TBC1D22A: variants seen among roughly 807,000 people sequenced by gnomAD.
TBC1D22A encodes the protein TBC1 domain family member 22A, also known as putative GTPase activator.
In TBC1D22A, 38 loss-of-function variants were observed where a neutral mutation model predicts 60.2. The ratio of observed to expected loss-of-function variants is 0.63; its 90% CI spans 0.49 to 0.83. The LOEUF (loss-of-function observed/expected upper bound fraction) is 0.83. TBC1D22A is among the 40% of genes least tolerant of loss of function. The pLI is 0.00. For missense variants in TBC1D22A, 628 were observed against 701.0 expected (o/e 0.90, Z 1.18); for synonymous variants, 302 against 281.7 (o/e 1.07, Z -0.72).
rs1569199945 is a variant in TBC1D22A, at chr22:46,904,157, A to ACCTG, written c.901-7914_901-7913insGCCT. Among the ~76,000 whole-genome samples, 40 of 145,208 alleles carry ACCTG rather than the reference A, an allele frequency of 2.8e-4. 1 individual carries two copies. Among genetic ancestry groups the ACCTG allele is most frequent in the African/African-American group, 1.0e-3 (40 of 38,588 alleles). Reference sequence around the variant, plus strand: ...TATCTATCTATCTACCTACCTACCTACCTACCTACCTACCTACCAGTCTGA... The same window carrying ACCTG: ...TATCTATCTATCTACCTACCTACCTACCTGCCTACCTACCTACCTACCAGTCTGA... On this transcript the variant is annotated intron_variant, in intron 7 of 12. Coordinates refer to ENST00000337137, the MANE Select transcript of TBC1D22A (RefSeq NM_014346.5).
At chr22:47,154,813 T>G (rs1193930979) in intron 12 of TBC1D22A, among the ~76,000 whole-genome samples, 1 of 152,210 alleles carries the variant, frequency 6.6e-6, no homozygotes, top group East Asian at 1.9e-4. Flanking sequence ...TGGTGATTTC[T>G]GCTTTAGGAG....
At chr22:47,133,919 T>G (rs2066769936) in intron 12 of TBC1D22A, among the ~76,000 whole-genome samples, 1 of 151,958 alleles carries the variant, frequency 6.6e-6, no homozygotes, top group Non-Finnish European at 1.5e-5. Context: ...CCTTCCAGAG[T>G]AGAAATTCTC....
chr22:47,003,757 TAC>T (rs1445266693), intron 10 of TBC1D22A, among the ~76,000 whole-genome samples: 1 of 79,808 alleles, frequency 1.3e-5, no homozygotes, highest in African/African-American at 4.8e-5. Flanking sequence ...ACACACACCG[TAC>T]ACACACATGC....
chr22:47,159,329 A>G (rs111213413), intron 12 of TBC1D22A, among the ~76,000 whole-genome samples: 2 of 73,530 alleles, frequency 2.7e-5, no homozygotes, highest in Admixed American at 1.3e-4. Flanking sequence ...ACACACATGT[A>G]TACACACACA....
rs2061697897 is a variant in TBC1D22A, at chr22:47,009,674, C to T, written c.1201+11965C>T. Among the ~76,000 whole-genome samples, 1 of 152,002 alleles carries T rather than the reference C, an allele frequency of 6.6e-6. No homozygotes were observed. The highest frequency in any genetic ancestry group is 2.4e-5 in the African/African-American group (1 of 41,400). ...CCATCATCACCATCATCATCACTAT[C>T]ACCAGCATCATTTCATCACCATCAC... On this transcript the variant is annotated intron_variant, in intron 10 of 12. Transcript: ENST00000337137. This position sits in a 1 kb window ranked among gnomAD's most constrained non-coding sequence, Gnocchi z 5.8.
intron 11 of TBC1D22A, among the ~76,000 whole-genome samples, chr22:47,103,032 T>C (rs1390234552): frequency 6.6e-6 from 1 of 151,196 alleles, no homozygotes; most frequent in African/African-American, 2.4e-5. Context: ...CACACATTTC[T>C]TCCCCCCTCT....
At chr22:46,866,555 G>A (rs2067065921) in intron 4 of TBC1D22A, among the ~76,000 whole-genome samples, 1 of 152,260 alleles carries the variant, frequency 6.6e-6, no homozygotes, top group Admixed American at 6.5e-5. Context: ...TCAACAGGCT[G>A]GTTGCAGAAA....
intron 11 of TBC1D22A, among the ~76,000 whole-genome samples, chr22:47,108,896 C>T (rs760544121): frequency 1.3e-5 from 2 of 152,134 alleles, no homozygotes; most frequent in Non-Finnish European, 2.9e-5. Context: ...GGGGTTTCAC[C>T]GTGTTAGCCA....
intron 5 of TBC1D22A, among the ~76,000 whole-genome samples, chr22:46,889,310 T>C (rs2068274490): frequency 6.6e-6 from 1 of 152,166 alleles, no homozygotes; most frequent in South Asian, 2.1e-4. Context: ...TTAATCATTA[T>C]GGAAACGAAA....
intron 11 of TBC1D22A, among the ~76,000 whole-genome samples, chr22:47,096,937 A>G (rs79285278): frequency 0.027 from 4,037 of 152,334 alleles, 56 homozygotes; most frequent in Middle Eastern, 0.095. Flanking sequence ...AACAGAGTCC[A>G]GTTTCATTCT....
intron 4 of TBC1D22A, among the ~76,000 whole-genome samples, chr22:46,813,858 G>A (rs1376438429): frequency 1.3e-5 from 2 of 152,232 alleles, no homozygotes. Flanking sequence ...TGAAGGCAGG[G>A]GCACCTGACG....
intron 12 of TBC1D22A, among the ~76,000 whole-genome samples, chr22:47,153,584 G>A (rs931612449): frequency 6.6e-6 from 1 of 152,078 alleles, no homozygotes; most frequent in African/African-American, 2.4e-5. Context: ...ACGGGCAAGG[G>A]AAAAGGGAGG....
intron 8 of TBC1D22A, among the ~76,000 whole-genome samples, chr22:46,953,683 A>G (rs1341423839): frequency 1.3e-5 from 2 of 151,894 alleles, no homozygotes; most frequent in South Asian, 2.1e-4. Context: ...CTGTCATTCT[A>G]TTGTCTTTTT....
chr22:46,895,237 G>A (rs555069124), intron 7 of TBC1D22A, among the ~76,000 whole-genome samples: 2 of 151,860 alleles, frequency 1.3e-5, no homozygotes, highest in South Asian at 2.1e-4. Flanking sequence ...CCTGGATGAC[G>A]CTTTCTTGCC....
chr22:46,878,609 C>T, intron 4 of TBC1D22A, 44 bp from the exon 5 acceptor site: 1 of 1,591,882 alleles, frequency 6.3e-7, no homozygotes, highest in Non-Finnish European at 8.6e-7. Flanking sequence ...GTTTGCTAAC[C>T]TTTTGCAAAT....
chr22:46,956,419 A>G (rs1450975788), intron 8 of TBC1D22A, among the ~76,000 whole-genome samples: 1 of 152,194 alleles, frequency 6.6e-6, no homozygotes, highest in Non-Finnish European at 1.5e-5. Context: ...CCCTGTCTCC[A>G]CTAATGGATG....
intron 4 of TBC1D22A, among the ~76,000 whole-genome samples, chr22:46,838,033 C>T (rs1441727263): frequency 6.6e-6 from 1 of 152,154 alleles, no homozygotes; most frequent in East Asian, 1.9e-4. Flanking sequence ...GCACTCTAGC[C>T]TGGGAGATAG....
intron 8 of TBC1D22A, chr22:46,915,588 G>A (rs45555031): frequency 0.02 from 9,063 of 456,662 alleles, 166 homozygotes; most frequent in Non-Finnish European, 0.025. Flanking sequence ...TTGTTACTTG[G>A]ATATTCCTCT....
At chr22:47,137,880 A>T (rs1018906527) in intron 12 of TBC1D22A, among the ~76,000 whole-genome samples, 1 of 151,712 alleles carries the variant, frequency 6.6e-6, no homozygotes, top group Non-Finnish European at 1.5e-5. Flanking sequence ...TGGGAAGGAA[A>T]CTGTCTCAGA....
Sources: gnomAD v4.1 joint callset for allele counts (sites outside exome capture counted in the v4.1 genomes callset) on GRCh38, gnomAD v4.1.1 for gene constraint, Gnocchi (gnomAD v3.1) non-coding constraint, MANE v1.5 for transcripts, NCBI Gene and HGNC (gene_info 2026-07-23, HGNC 2026-07-21) for gene names.